ACOX3: variants seen among roughly 807,000 people sequenced by gnomAD.
The protein encoded by ACOX3 is acyl-CoA oxidase 3, pristanoyl.
ACOX3 carries 73 observed loss-of-function variants against 81.5 expected under a neutral mutation model. The observed-to-expected ratio is 0.90, with a 90% CI of 0.74 to 1.09. The LOEUF is 1.09. Ranked by LOEUF, ACOX3 falls within the 50% of genes least tolerant of loss-of-function variation. The pLI is 0.00. For missense variants in ACOX3, 947 were observed against 928.0 expected (o/e 1.02, Z -0.27); for synonymous variants, 387 against 375.1 (o/e 1.03, Z -0.37).
chr4:8,419,000 GATACTAAA>G (rs113103702), intron 1 of ACOX3, among the ~76,000 whole-genome samples: 107,702 of 151,292 alleles, frequency 0.71, 39,222 homozygotes, highest in African/African-American at 0.87. Flanking sequence ...TGAGCAAAAA[GATACTAAA>G]ATACTAAATG....
In ACOX3 at chr4:8,397,295, T is replaced by A. The variant is rs549654179; in HGVS notation, c.874-176A>T. On this transcript the variant is annotated intron_variant, in intron 8 of 17. Transcript: ENST00000356406. ...GGACGGTGCGGCAGGCGGGTAGAGA[T>A]GTCACTGATGAACCGTGGATGGAAT... 3.3e-5 allele frequency among the ~76,000 whole-genome samples: 5 copies of A among 152,270 alleles called. No homozygotes were observed. The South Asian group carries it at 1.0e-3, about 32-fold the overall frequency.
rs961874519 is a variant in ACOX3, at chr4:8,407,136, G to A, written c.688-1093C>T. Reference sequence around the variant, plus strand: ...CCTGTCTGGGCATAACAGAAGGCTCGTACTCTTGTCTTCTGGTCACTCCTC... The same window carrying A: ...CCTGTCTGGGCATAACAGAAGGCTCATACTCTTGTCTTCTGGTCACTCCTC... On this transcript the variant is annotated intron_variant, in intron 6 of 17. Coordinates refer to ENST00000356406, the MANE Select transcript of ACOX3 (RefSeq NM_003501.3). The surrounding 1 kb of genome is among the most constrained non-coding windows in gnomAD (Gnocchi z 4.6). Among the ~76,000 whole-genome samples the A allele has an allele frequency of 6.6e-6, 1 of 152,186 alleles. No individual in the cohort carries two copies. Among genetic ancestry groups the A allele is most frequent in the Admixed American group, 6.5e-5 (1 of 15,286 alleles).
chr4:8,411,704 T>G (rs1303531523), intron 5 of ACOX3, among the ~76,000 whole-genome samples: 1 of 152,186 alleles, frequency 6.6e-6, no homozygotes, highest in African/African-American at 2.4e-5. Context: ...CGCCCCGGCA[T>G]ACCAGCTTTG....
At chr4:8,440,089 C>T (rs1016896163) in intron 1 of ACOX3, among the ~76,000 whole-genome samples, 1 of 152,190 alleles carries the variant, frequency 6.6e-6, no homozygotes, top group African/African-American at 2.4e-5. Context: ...CATTGCAAAA[C>T]TTTCTGTTCT....
rs1457348446 is a variant in ACOX3, at chr4:8,393,604, GACACACACACGC to G, written c.1179+1004_1179+1015del. On this transcript the variant is annotated intron_variant, in intron 10 of 17. Transcript: ENST00000356406. ...AAAAAGGAAAAACAATTAAGAGGAA[GACACACACACGC>G]ACACACACACACACACACACGCACA... Among the ~76,000 whole-genome samples, 3 of 142,812 alleles carry G rather than the reference GACACACACACGC, an allele frequency of 2.1e-5. No individual in the cohort carries two copies. In the East Asian group the frequency reaches 6.0e-4, roughly 29 times the overall value. The allele number at this position is 142,812 out of a possible 152,430, so 93.7% of individuals were successfully genotyped here.
intron 1 of ACOX3, among the ~76,000 whole-genome samples, chr4:8,425,181 T>G (rs546175969): frequency 2.2e-4 from 34 of 151,292 alleles, no homozygotes; most frequent in African/African-American, 7.8e-4. Context: ...ACTGCCGGGG[T>G]GATCAGAAAG....
intron 1 of ACOX3, among the ~76,000 whole-genome samples, chr4:8,436,697 T>C (rs1164249465): frequency 8.5e-5 from 13 of 152,068 alleles, no homozygotes; most frequent in Admixed American, 8.5e-4. Context: ...TTACATCCTA[T>C]TTAACCCTGA....
chr4:8,364,398 T>C (rs554861091), downstream of ACOX3, among the ~76,000 whole-genome samples: 4 of 152,360 alleles, frequency 2.6e-5, no homozygotes, highest in Admixed American at 6.5e-5. The surrounding 1 kb of genome is among the most constrained non-coding windows in gnomAD (Gnocchi z 5.0). Context: ...GCTCCCACAG[T>C]TGGCGAATGA....
the ACOX3 span, among the ~76,000 whole-genome samples, chr4:8,358,912 T>C: frequency 6.6e-6 from 1 of 152,194 alleles, no homozygotes; most frequent in Non-Finnish European, 1.5e-5. Context: ...TTAATAAATT[T>C]GCTTTCACTT....
the ACOX3 span, among the ~76,000 whole-genome samples, chr4:8,359,032 A>G: frequency 8.5e-4 from 130 of 152,258 alleles, 1 homozygote; most frequent in East Asian, 5.8e-4. This position sits in a 1 kb window ranked among gnomAD's most constrained non-coding sequence, Gnocchi z 6.0. Flanking sequence ...GGAAAGAACC[A>G]TAGTGTGGAA....
intron 6 of ACOX3, among the ~76,000 whole-genome samples, chr4:8,408,915 T>TG (rs1721368051): frequency 2.2e-4 from 7 of 32,230 alleles, no homozygotes; most frequent in Non-Finnish European, 3.4e-4. Context: ...GGGGGGGGGG[T>TG]GGGGGCGGTC....
chr4:8,422,579 A>G (rs1227661937), intron 1 of ACOX3, among the ~76,000 whole-genome samples: 2 of 152,232 alleles, frequency 1.3e-5, no homozygotes, highest in African/African-American at 2.4e-5. Flanking sequence ...ATTTGCCACT[A>G]TAGGAATATG....
chr4:8,415,861 C>G lies in ACOX3; in HGVS notation c.283G>C (p.Asp95His), dbSNP rs1246358094. The change falls in exon 3 of 18, where the codon GAC becomes CAC. Residue 95 changes from aspartate (D) to histidine (H), a missense_variant. Coordinates refer to ENST00000356406, the MANE Select transcript of ACOX3 (RefSeq NM_003501.3). Reference protein sequence around the residue: ...IFEYDFLSVEDMFKSPLKVPA... With the variant: ...IFEYDFLSVEHMFKSPLKVPA... ...ACCTTCAGAGGGCTCTTGAACATGT[C>G]TTCGACACTGAGGAAGTCATACTCG... 6.2e-7 allele frequency: 1 copy of G among 1,614,090 alleles called. No individual in the cohort carries two copies. Among genetic ancestry groups the G allele is most frequent in the African/African-American group, 1.3e-5 (1 of 74,930 alleles).
chr4:8,410,447 G>T (rs1047183261), intron 5 of ACOX3, 92 bp from the exon 6 acceptor site: 1 of 1,493,436 alleles, frequency 6.7e-7, no homozygotes, highest in Non-Finnish European at 9.2e-7. Flanking sequence ...CATTTTCTAC[G>T]TTCAAAATCT....
Position 8,399,533 on chromosome 4 carries a change from C to T in ACOX3, c.873+23G>A, listed in dbSNP as rs41264711. The T allele has an allele frequency of 0.011, 17,028 of 1,591,610 alleles. 208 individuals are homozygous for T. Among genetic ancestry groups the T allele is most frequent in the South Asian group, 0.039 (3,562 of 90,444 alleles). On this transcript the variant is annotated intron_variant, in intron 8 of 17. Coordinates refer to ENST00000356406, the MANE Select transcript of ACOX3 (RefSeq NM_003501.3). The surrounding 1 kb of genome is among the most constrained non-coding windows in gnomAD (Gnocchi z 4.9). ...GAAGGCACCTGGGAAGCACGGCACA[C>T]GAACGGCCCCCCATGCCTGTACCTT... is the stretch of plus-strand genomic sequence containing the variant.
At chr4:8,356,299 A>G in the ACOX3 span, 1 of 354,416 alleles carries the variant, frequency 2.8e-6, no homozygotes, top group African/African-American at 2.1e-5. Context: ...TTGTGGCTCT[A>G]CCTGCCCCAC....
chr4:8,359,646 A>T, the ACOX3 span, among the ~76,000 whole-genome samples: 1 of 152,134 alleles, frequency 6.6e-6, no homozygotes, highest in Non-Finnish European at 1.5e-5. The surrounding 1 kb of genome is among the most constrained non-coding windows in gnomAD (Gnocchi z 6.0). Flanking sequence ...AAACGGGGAA[A>T]CTTGGGAGCT....
intron 16 of ACOX3, among the ~76,000 whole-genome samples, chr4:8,372,473 C>T (rs1263742382): frequency 1.3e-5 from 2 of 152,152 alleles, no homozygotes; most frequent in African/African-American, 2.4e-5. Flanking sequence ...CCTTGGTGCA[C>T]CTGCATACTC....
rs28877981 is a variant in ACOX3, at chr4:8,425,909, G to A, written c.-14-9374C>T. ...AGGCATACAATATCACTTACACTGC[G>A]CCTGGAGGCCACAATCCTCAGGGAA... is the stretch of plus-strand genomic sequence containing the variant. On this transcript the variant is annotated intron_variant, in intron 1 of 17. Coordinates refer to ENST00000356406, the MANE Select transcript of ACOX3 (RefSeq NM_003501.3). 1.6e-4 allele frequency among the ~76,000 whole-genome samples: 24 copies of A among 152,076 alleles called. No homozygotes were observed. The South Asian group carries it at 4.2e-3, about 26-fold the overall frequency.
Sources: gnomAD v4.1 joint callset for allele counts (sites outside exome capture counted in the v4.1 genomes callset) on GRCh38, gnomAD v4.1.1 for gene constraint, Gnocchi (gnomAD v3.1) non-coding constraint, MANE v1.5 for transcripts, NCBI Gene and HGNC (gene_info 2026-07-23, HGNC 2026-07-21) for gene names.